TM7SF3: variants seen among roughly 807,000 people sequenced by gnomAD.
TM7SF3 encodes the protein seven span transmembrane protein.
In TM7SF3, 60 loss-of-function variants were observed where a neutral mutation model predicts 65.5. That is an observed-to-expected ratio of 0.92 (90% confidence interval 0.74 to 1.14). The LOEUF is 1.14. TM7SF3 is among the 50% of genes most tolerant of loss of function. The probability of loss-of-function intolerance (pLI) is 0.00; values close to 1 mark genes in which losing one functional copy is unlikely to be tolerated. For synonymous variants in TM7SF3, 264 were observed against 259.6 expected, an observed-to-expected ratio of 1.02 and a Z score of -0.16; for missense variants, 623 against 684.8, an observed-to-expected ratio of 0.91 and a Z score of 1.01.
At chr12:26,985,117 G>A (rs181998484) in intron 6 of TM7SF3, among the ~76,000 whole-genome samples, 41 of 152,290 alleles carry the variant, frequency 2.7e-4, no homozygotes, top group African/African-American at 9.6e-4. Flanking sequence ...AGACAGGCCT[G>A]GGGGCCTTTC....
In TM7SF3 at chr12:26,972,618, A is replaced by G. The variant is rs1316460904; in HGVS notation, c.*1347T>C. 4 of 151,878 alleles carry G rather than the reference A, an allele frequency of 2.6e-5. No individual in the cohort carries two copies. The highest frequency in any genetic ancestry group is 9.7e-5 in the African/African-American group (4 of 41,324). The allele number at this position is 151,878 out of a possible 1,614,324, so 9.4% of individuals were successfully genotyped here. Reference sequence around the variant, plus strand: ...TTTAGTAGAGACAGGGTGTAGTAGTATATATTCTACTATACTATAGTAGAG... The same window carrying G: ...TTTAGTAGAGACAGGGTGTAGTAGTGTATATTCTACTATACTATAGTAGAG... On this transcript the variant is annotated 3_prime_UTR_variant, in exon 12 of 12. Coordinates refer to ENST00000343028, the MANE Select transcript of TM7SF3 (RefSeq NM_016551.3).
intron 4 of TM7SF3, 70 bp from the exon 5 acceptor site, chr12:26,995,478 G>C (rs1940553697): frequency 6.6e-7 from 1 of 1,518,320 alleles, no homozygotes; most frequent in East Asian, 2.3e-5. Flanking sequence ...AAGGAACCAA[G>C]AGCCCTAATT....
intron 1 of TM7SF3, among the ~76,000 whole-genome samples, chr12:27,009,283 C>CA (rs1403253646): frequency 1.3e-5 from 2 of 152,046 alleles, no homozygotes; most frequent in South Asian, 4.1e-4. Flanking sequence ...TCCACACACA[C>CA]ACAAAAAAAC....
At chr12:27,010,162 T>G (rs1019822104) in intron 1 of TM7SF3, among the ~76,000 whole-genome samples, 16 of 152,252 alleles carry the variant, frequency 1.1e-4, no homozygotes, top group South Asian at 2.1e-4. Flanking sequence ...CTGCCATCAG[T>G]TGGCTGCTGA....
intron 1 of TM7SF3, 118 bp downstream of exon 1, chr12:27,013,960 T>G (rs1941342783): frequency 4.7e-6 from 4 of 844,876 alleles, no homozygotes; most frequent in South Asian, 1.4e-5. Context: ...CCACCCAGCG[T>G]GTACCAACGC....
chr12:26,992,654 G>A (rs118109434), intron 5 of TM7SF3, among the ~76,000 whole-genome samples: 4,561 of 152,290 alleles, frequency 0.03, 105 homozygotes, highest in Non-Finnish European at 0.049. Flanking sequence ...ACTGTAAAAT[G>A]TTAGCTATTA....
intron 6 of TM7SF3, among the ~76,000 whole-genome samples, chr12:26,985,652 AATAT>A (rs71069288): frequency 0.021 from 816 of 38,976 alleles, 14 homozygotes; most frequent in Middle Eastern, 0.056. Flanking sequence ...AAAAAAAAAA[AATAT>A]ATATATATAT....
intron 10 of TM7SF3, 200 bp from the exon 11 acceptor site, chr12:26,975,858 A>C (rs1939542330): frequency 3.5e-6 from 2 of 578,420 alleles, no homozygotes; most frequent in Non-Finnish European, 6.1e-6. Context: ...TTCTTAAAAC[A>C]CAGTTCAGCT....
intron 1 of TM7SF3, among the ~76,000 whole-genome samples, chr12:27,013,217 T>G (rs1426625325): frequency 6.6e-6 from 1 of 152,236 alleles, no homozygotes; most frequent in Non-Finnish European, 1.5e-5. Context: ...GTAGCTGCAA[T>G]GATTGGGAAT....
At position 27,013,964 on chromosome 12, in the gene TM7SF3, C is replaced by G. The variant is rs570876077; in HGVS notation, c.91+114G>C. On this transcript the variant is annotated intron_variant, in intron 1 of 11. Coordinates refer to ENST00000343028, the MANE Select transcript of TM7SF3 (RefSeq NM_016551.3). Reference sequence around the variant, plus strand: ...TTCTGGACTCACCACCCAGCGTGTACCAACGCCCCCAGCACCATCTCCCTG... The same window carrying G: ...TTCTGGACTCACCACCCAGCGTGTAGCAACGCCCCCAGCACCATCTCCCTG... 1.9e-5 allele frequency: 17 copies of G among 887,244 alleles called. No homozygotes were observed. The South Asian group carries it at 2.3e-4, about 12-fold the overall frequency. 55.0% of individuals were successfully genotyped at this position (887,244 alleles called of 1,614,324 possible).
At chr12:26,989,644 A>AC (rs1169365677) in intron 6 of TM7SF3, among the ~76,000 whole-genome samples, 6 of 151,206 alleles carry the variant, frequency 4.0e-5, no homozygotes, top group African/African-American at 1.5e-4. Context: ...TTTCTGAGAA[A>AC]CCATTTCAAG....
In TM7SF3 at chr12:26,995,273, C is replaced by G. The variant is rs1489452618; in HGVS notation, c.654G>C (p.Met218Ile). The change falls in exon 5 of 12, where the codon ATG becomes ATC. Residue 218 changes from methionine to isoleucine, a missense_variant. Met to Ile is a conservative substitution (Grantham distance 10). Coordinates refer to ENST00000343028, the MANE Select transcript of TM7SF3 (RefSeq NM_016551.3). ...EEMLLKHLQR[M>I]VSVPQVKASA... The stretch of plus-strand genomic sequence containing the variant: ...TGGCCTTCACCTGGGGCACACTGAC[C>G]ATCCTCTGCAGATGCTTCAGCAACA... 2 of 1,614,038 alleles carry G rather than the reference C, an allele frequency of 1.2e-6. No homozygotes were observed. Among genetic ancestry groups the G allele is most frequent in the Non-Finnish European group, 1.7e-6 (2 of 1,180,030 alleles).
In TM7SF3 at chr12:26,999,673, G is replaced by A; in HGVS notation, c.250C>T (p.Leu84Phe). Reference sequence around the variant, plus strand: ...CCTGTTTCCGAGGAATTGGAAAGGAGAGTCTGCAGTCCAGAAGAAACATTG... The same window carrying A: ...CCTGTTTCCGAGGAATTGGAAAGGAAAGTCTGCAGTCCAGAAGAAACATTG... ...QNTTVSFSPT[L>F]LSNSSETGTA... The change falls in exon 3 of 12, where the codon CTC becomes TTC. Residue 84 changes from leucine (L) to phenylalanine (F), a missense_variant. Leu to Phe is a conservative substitution (Grantham distance 22). Transcript: ENST00000343028. 4 of 1,614,044 alleles carry A rather than the reference G, an allele frequency of 2.5e-6. No individual in the cohort carries two copies. The highest frequency in any genetic ancestry group is 1.7e-5 in the Admixed American group (1 of 60,010).
chr12:27,010,401 A>G (rs1319861756), intron 1 of TM7SF3, among the ~76,000 whole-genome samples: 1 of 152,260 alleles, frequency 6.6e-6, no homozygotes, highest in African/African-American at 2.4e-5. Flanking sequence ...GCACATCATA[A>G]GCATTACGTT....
chr12:27,010,724 C>G (rs1323740542), intron 1 of TM7SF3, among the ~76,000 whole-genome samples: 1 of 152,206 alleles, frequency 6.6e-6, no homozygotes, highest in East Asian at 1.9e-4. Context: ...GGGGCACTTA[C>G]ATTAGCTTTC....
In TM7SF3 at chr12:27,014,192, C is replaced by T; in HGVS notation, c.-24G>A. The T allele has an allele frequency of 6.4e-7, 1 of 1,550,882 alleles. No homozygotes were observed. The highest frequency in any genetic ancestry group is 8.7e-7 in the Non-Finnish European group (1 of 1,146,814). ...ATTGCTGCCTGGGCCGGGCTGGGCC[C>T]ACGCCAGGGCTGGGGAGAGGTGCGG... is the stretch of plus-strand genomic sequence containing the variant. On this transcript the variant is annotated 5_prime_UTR_variant, in exon 1 of 12. It introduces an in-frame stop codon into an upstream open reading frame of the 5' UTR. Coordinates refer to ENST00000343028, the MANE Select transcript of TM7SF3 (RefSeq NM_016551.3).
chr12:26,980,272 T>C, intron 8 of TM7SF3: 1 of 524,946 alleles, frequency 1.9e-6, no homozygotes, highest in East Asian at 3.3e-5. Flanking sequence ...AACCTCAACA[T>C]TTTGCTTGTT....
chr12:27,005,200 T>TAC (rs1940983786), intron 1 of TM7SF3, among the ~76,000 whole-genome samples: 3 of 152,224 alleles, frequency 2.0e-5, no homozygotes, highest in African/African-American at 7.2e-5. Context: ...CCACCCGTAT[T>TAC]GGCAGTATCA....
chr12:26,987,985 A>C (rs1389926038), intron 6 of TM7SF3, among the ~76,000 whole-genome samples: 1 of 152,154 alleles, frequency 6.6e-6, no homozygotes, highest in Non-Finnish European at 1.5e-5. Flanking sequence ...TATCAAAGTA[A>C]CCCAAATTGA....
Sources: gnomAD v4.1 joint callset for allele counts (sites outside exome capture counted in the v4.1 genomes callset) on GRCh38, gnomAD v4.1.1 for gene constraint, MANE v1.5 for transcripts, NCBI Gene and HGNC (gene_info 2026-07-23, HGNC 2026-07-21) for gene names.